Variants in GRIK2 observed in about 807,000 individuals in gnomAD.
The protein encoded by GRIK2 is glutamate ionotropic receptor kainate type subunit 2, also known as glutamate receptor ionotropic, kainate 2.
In GRIK2, 32 loss-of-function variants were observed where a neutral mutation model predicts 100.3. The ratio of observed to expected loss-of-function variants is 0.32; its 90% confidence interval spans 0.24 to 0.43. GRIK2 has a LOEUF of 0.43. Ranked by LOEUF, GRIK2 falls within the 20% of genes least tolerant of loss-of-function variation. GRIK2 has a pLI of 1.00. For missense variants in GRIK2, 843 were observed against 1,114.9 expected, an observed-to-expected ratio of 0.76 and a Z score of 3.47; for synonymous variants, 417 against 389.4, an observed-to-expected ratio of 1.07 and a Z score of -0.83.
intron 2 of GRIK2, among the ~76,000 whole-genome samples, chr6:101,587,714 G>C (rs956321989): frequency 6.6e-6 from 1 of 152,088 alleles, no homozygotes; most frequent in East Asian, 1.9e-4. Context: ...CAATAGAATG[G>C]TATCTTCAAA....
At chr6:101,854,926 A>G (rs538759408) in intron 10 of GRIK2, among the ~76,000 whole-genome samples, 1 of 152,274 alleles carries the variant, frequency 6.6e-6, no homozygotes, top group East Asian at 1.9e-4. Flanking sequence ...ATAAATAATG[A>G]GATAGATAAT....
At chr6:101,837,819 T>C (rs1046672919) in intron 10 of GRIK2, among the ~76,000 whole-genome samples, 5 of 152,148 alleles carry the variant, frequency 3.3e-5, no homozygotes, top group African/African-American at 1.2e-4. Context: ...AAGAATGAAA[T>C]ATTTCTTGTA....
chr6:102,046,053 A>ACTT (rs1423705558), intron 15 of GRIK2, among the ~76,000 whole-genome samples: 3 of 152,120 alleles, frequency 2.0e-5, no homozygotes, highest in Admixed American at 6.6e-5. Context: ...GGATGGCTAT[A>ACTT]CTTAGAGTTC....
intron 2 of GRIK2, among the ~76,000 whole-genome samples, chr6:101,413,650 A>G (rs1188740698): frequency 6.6e-6 from 1 of 152,080 alleles, no homozygotes; most frequent in African/African-American, 2.4e-5. Flanking sequence ...TATATGTTTC[A>G]GTTTCATTCT....
chr6:101,884,478 G>C (rs550458884), intron 11 of GRIK2, among the ~76,000 whole-genome samples: 3 of 152,184 alleles, frequency 2.0e-5, no homozygotes, highest in Admixed American at 6.6e-5. Flanking sequence ...AAAGAAGAAA[G>C]CTTCACAACA....
intron 2 of GRIK2, among the ~76,000 whole-genome samples, chr6:101,537,485 A>G (rs1158222700): frequency 6.7e-6 from 1 of 149,564 alleles, no homozygotes; most frequent in East Asian, 2.0e-4. Context: ...TGTTTAAGCA[A>G]ATCAGGGAGA....
At chr6:101,845,266 T>C (rs754267828) in intron 10 of GRIK2, among the ~76,000 whole-genome samples, 1 of 152,118 alleles carries the variant, frequency 6.6e-6, no homozygotes, top group Admixed American at 6.6e-5. Flanking sequence ...CTGCATAGCA[T>C]CCCAAAGCAC....
intron 11 of GRIK2, among the ~76,000 whole-genome samples, chr6:101,877,691 C>A (rs1785953939): frequency 6.6e-6 from 1 of 151,908 alleles, no homozygotes; most frequent in African/African-American, 2.4e-5. Context: ...TCAAGGACAA[C>A]AACTCATGTT....
intron 15 of GRIK2, among the ~76,000 whole-genome samples, chr6:102,048,305 T>A (rs1345493223): frequency 1.3e-5 from 2 of 151,902 alleles, no homozygotes; most frequent in Non-Finnish European, 2.9e-5. Context: ...TTGGGCAATA[T>A]TTTTTTAGAT....
At chr6:101,727,113 C>A (rs751456994) in intron 7 of GRIK2, among the ~76,000 whole-genome samples, 3 of 151,880 alleles carry the variant, frequency 2.0e-5, no homozygotes, top group Non-Finnish European at 4.4e-5. Flanking sequence ...TTTATGAATT[C>A]ATTCTCATAT....
chr6:101,757,835 G>A (rs535278036), intron 7 of GRIK2, among the ~76,000 whole-genome samples: 2 of 152,270 alleles, frequency 1.3e-5, no homozygotes, highest in Admixed American at 6.5e-5. Flanking sequence ...TTTCTCTAAT[G>A]TTTTGTCTTT....
At position 101,530,632 on chromosome 6, in the gene GRIK2, G is replaced by A. The variant is rs189497912; in HGVS notation, c.116-91317G>A. Among the ~76,000 whole-genome samples, 18 of 152,094 alleles carry A rather than the reference G, an allele frequency of 1.2e-4. No homozygotes were observed. In the East Asian group the frequency reaches 3.3e-3, roughly 28 times the overall value. On this transcript the variant is annotated intron_variant, in intron 2 of 16. Transcript: ENST00000369134. ...TTATCTAATAGGCAAGTATGGATGG[G>A]GGCAGTTGCAGTTTTTGAATGAGTA...
intron 9 of GRIK2, among the ~76,000 whole-genome samples, chr6:101,804,600 A>G (rs1780872177): frequency 6.6e-6 from 1 of 151,972 alleles, no homozygotes; most frequent in Non-Finnish European, 1.5e-5. Flanking sequence ...CAGGTAGGAA[A>G]AGGGAGATAC....
At chr6:101,994,993 C>G (rs530716848) in intron 14 of GRIK2, among the ~76,000 whole-genome samples, 1 of 151,826 alleles carries the variant, frequency 6.6e-6, no homozygotes, top group South Asian at 2.1e-4. Flanking sequence ...GGAAAACTTA[C>G]CTTGTGAATA....
At chr6:101,794,434 A>G (rs1467573817) in intron 7 of GRIK2, among the ~76,000 whole-genome samples, 2 of 152,000 alleles carry the variant, frequency 1.3e-5, no homozygotes, top group Non-Finnish European at 2.9e-5. Context: ...TATCTTTCAA[A>G]TGAACACCTT....
intron 4 of GRIK2, among the ~76,000 whole-genome samples, chr6:101,668,900 A>T (rs538993923): frequency 4.5e-4 from 69 of 152,320 alleles, no homozygotes; most frequent in African/African-American, 1.6e-3. Context: ...AGCTAAATTG[A>T]TGACAGTCTC....
At chr6:102,044,499 A>T (rs1770773424) in intron 15 of GRIK2, among the ~76,000 whole-genome samples, 1 of 152,014 alleles carries the variant, frequency 6.6e-6, no homozygotes, top group East Asian at 1.9e-4. Flanking sequence ...GAATTATTAC[A>T]TGCTGGCAGC....
intron 2 of GRIK2, among the ~76,000 whole-genome samples, chr6:101,585,666 A>G (rs2021678): frequency 0.31 from 46,526 of 152,008 alleles, 7,249 homozygotes; most frequent in African/African-American, 0.36. Flanking sequence ...ATAAGTGACC[A>G]TGGATTAACT....
chr6:101,795,766 T>C (rs1276610765), intron 7 of GRIK2, among the ~76,000 whole-genome samples: 1 of 152,176 alleles, frequency 6.6e-6, no homozygotes, highest in African/African-American at 2.4e-5. Flanking sequence ...GTGGCATGCT[T>C]GGGTACTTGG....
Sources: allele counts gnomAD v4.1 joint callset (sites outside exome capture counted in the v4.1 genomes callset), GRCh38; gene constraint gnomAD v4.1.1; transcripts MANE v1.5; gene names NCBI Gene and HGNC (gene_info 2026-07-23, HGNC 2026-07-21).